The following RRP15 variants were observed in gnomAD, a reference collection of about 807,000 sequenced individuals.
RRP15 encodes RRP15-like protein.
A neutral mutation model predicts 27.1 loss-of-function variants in RRP15; 18 were observed. That is an observed-to-expected ratio of 0.66 (90% confidence interval 0.46 to 0.98). The LOEUF (loss-of-function observed/expected upper bound fraction) is 0.98, where lower values mean the gene tolerates loss of function less well. Ranked by LOEUF, RRP15 falls within the 50% of genes least tolerant of loss-of-function variation. The pLI is 0.00. For synonymous variants in RRP15, 107 were observed against 109.4 expected (o/e 0.98, Z 0.14); for missense variants, 359 against 337.8 (o/e 1.06, Z -0.49).
chr1:218,288,755 G>T (rs553188313), intron 1 of RRP15, among the ~76,000 whole-genome samples: 1 of 152,192 alleles, frequency 6.6e-6, no homozygotes, highest in South Asian at 2.1e-4. Context: ...GGAGACTTTG[G>T]TATGGAGACA....
intron 1 of RRP15, among the ~76,000 whole-genome samples, chr1:218,288,420 A>C (rs1018540515): frequency 4.6e-5 from 7 of 152,222 alleles, no homozygotes; most frequent in African/African-American, 1.7e-4. Flanking sequence ...GAACTTTCCT[A>C]TGTGCCTGGT....
chr1:218,317,021 C>T (rs1010988314), intron 4 of RRP15, among the ~76,000 whole-genome samples: 1 of 152,174 alleles, frequency 6.6e-6, no homozygotes, highest in Non-Finnish European at 1.5e-5. Context: ...TTCTCTTGTT[C>T]CCCATTTCCA....
In RRP15 at chr1:218,331,374, C is replaced by T. The variant is rs886742402; in HGVS notation, c.*283C>T. 8.9e-6 allele frequency: 2 copies of T among 224,770 alleles called. No individual in the cohort carries two copies. Among genetic ancestry groups the T allele is most frequent in the Non-Finnish European group, 1.8e-5 (2 of 113,890 alleles). The allele number at this position is 224,770 out of a possible 1,614,324, so 13.9% of individuals were successfully genotyped here. A position where few individuals can be genotyped will look rare whatever the true frequency, so the allele number is the denominator to read the frequency against. ...TTTGCCAGGATCATATTGGTCATGT[C>T]TATTGGTGTATTATTTCAGTATCAC... On this transcript the variant is annotated 3_prime_UTR_variant, in exon 5 of 5. Transcript: ENST00000366932.
chr1:218,288,550 C>T (rs1655585861), intron 1 of RRP15, among the ~76,000 whole-genome samples: 1 of 152,124 alleles, frequency 6.6e-6, no homozygotes, highest in Non-Finnish European at 1.5e-5. Flanking sequence ...TATAACTTGC[C>T]CACTTCTGTA....
chr1:218,315,867 G>A (rs17047615), intron 4 of RRP15, among the ~76,000 whole-genome samples: 8,364 of 152,126 alleles, frequency 0.055, 776 homozygotes, highest in African/African-American at 0.19. Flanking sequence ...TTACTCTCAC[G>A]TAAAGCTCTC....
intron 4 of RRP15, among the ~76,000 whole-genome samples, chr1:218,330,296 T>G (rs938168489): frequency 4.1e-4 from 62 of 152,206 alleles, no homozygotes; most frequent in Non-Finnish European, 7.5e-4. Context: ...TGTGACTAAA[T>G]GAAACGAATT....
Position 218,303,197 on chromosome 1 carries a change from T to G in RRP15, c.405+638T>G, listed in dbSNP as rs115604671. 3.1e-3 allele frequency among the ~76,000 whole-genome samples: 471 copies of G among 152,316 alleles called. 2 individuals carry two copies. Among genetic ancestry groups the G allele is most frequent in the African/African-American group, 0.011 (459 of 41,562 alleles). Reference sequence around the variant, plus strand: ...CATATCACCTGTACTTGATGATCTCTGTCTAAAATACTTGGTTACTAAATT... The same window carrying G: ...CATATCACCTGTACTTGATGATCTCGGTCTAAAATACTTGGTTACTAAATT... On this transcript the variant is annotated intron_variant, in intron 2 of 4. Coordinates refer to ENST00000366932, the MANE Select transcript of RRP15 (RefSeq NM_016052.4).
Position 218,337,679 on chromosome 1 carries a change from G to A in RRP15, c.*6588G>A, listed in dbSNP as rs1182914527. ...AATTTTTGACAGTCTGAAAAGACAG[G>A]CCTTATATTTATATTGAGAAAAATG... On this transcript the variant is annotated 3_prime_UTR_variant, in exon 5 of 5. Coordinates refer to ENST00000366932, the MANE Select transcript of RRP15 (RefSeq NM_016052.4). 2 of 152,068 alleles carry A rather than the reference G, an allele frequency of 1.3e-5. No individual in the cohort carries two copies. Among genetic ancestry groups the A allele is most frequent in the African/African-American group, 2.4e-5 (1 of 41,410 alleles). 9.4% of individuals were successfully genotyped at this position (152,068 alleles called of 1,614,324 possible).
chr1:218,302,808 A>T lies in RRP15; in HGVS notation c.405+249A>T, dbSNP rs1390329487. ...GTAAACGCTGAGGAAACATCTTTTT[A>T]AAATCAAGTAATTATACACATGGTA... On this transcript the variant is annotated intron_variant, in intron 2 of 4. Coordinates refer to ENST00000366932, the MANE Select transcript of RRP15 (RefSeq NM_016052.4). 1.4e-5 allele frequency: 6 copies of T among 416,754 alleles called. No individual in the cohort carries two copies. In the South Asian group the frequency reaches 2.6e-4, roughly 18 times the overall value. The allele number at this position is 416,754 out of a possible 1,614,324, so 25.8% of individuals were successfully genotyped here. A position where few individuals can be genotyped will look rare whatever the true frequency, so the allele number is the denominator to read the frequency against.
intron 4 of RRP15, among the ~76,000 whole-genome samples, chr1:218,315,350 T>C (rs1656072171): frequency 6.6e-6 from 1 of 152,224 alleles, no homozygotes; most frequent in Non-Finnish European, 1.5e-5. Context: ...GCTGAATTCT[T>C]GCTTCTAAAG....
intron 4 of RRP15, among the ~76,000 whole-genome samples, chr1:218,313,661 A>G (rs1656036791): frequency 6.6e-6 from 1 of 152,226 alleles, no homozygotes; most frequent in African/African-American, 2.4e-5. Context: ...CAACCAGAAT[A>G]GCAGAGTATG....
In RRP15 at chr1:218,305,085, G is replaced by C. The variant is rs1305743910; in HGVS notation, c.463G>C (p.Asp155His). ...MCRVKPDVVQ[D>H]KETERNLQRI... ...CAGAGTAAAGCCAGATGTTGTCCAAGACAAAGAGACAGAGAGAAATCTTCA... is the reference window on the plus strand; with the variant it reads ...CAGAGTAAAGCCAGATGTTGTCCAACACAAAGAGACAGAGAGAAATCTTCA... The change falls in exon 3 of 5, where the codon GAC becomes CAC. Residue 155 changes from aspartate to histidine, a missense_variant. Asp to His is a moderately conservative substitution (Grantham distance 81, BLOSUM62 -1). Coordinates refer to ENST00000366932, the MANE Select transcript of RRP15 (RefSeq NM_016052.4). 3 of 1,613,890 alleles carry C rather than the reference G, an allele frequency of 1.9e-6. No homozygotes were observed. Among genetic ancestry groups the C allele is most frequent in the African/African-American group, 1.3e-5 (1 of 75,026 alleles).
intron 4 of RRP15, among the ~76,000 whole-genome samples, chr1:218,328,644 CAG>C (rs1362465268): frequency 1.3e-5 from 2 of 151,544 alleles, no homozygotes; most frequent in Non-Finnish European, 2.9e-5. Flanking sequence ...GCCTGGGCGA[CAG>C]AGCGAGACTC....
At chr1:218,319,029 T>C (rs1455950308) in intron 4 of RRP15, among the ~76,000 whole-genome samples, 2 of 152,000 alleles carry the variant, frequency 1.3e-5, no homozygotes, top group Non-Finnish European at 2.9e-5. Context: ...GTAAGGAGTT[T>C]AATAGTCACC....
At chr1:218,327,378 G>A (rs569760452) in intron 4 of RRP15, among the ~76,000 whole-genome samples, 54 of 151,444 alleles carry the variant, frequency 3.6e-4, no homozygotes, top group Non-Finnish European at 5.9e-4. Context: ...GTGTGATCTC[G>A]GCTCACTGCA....
rs1367999243 is a variant in RRP15, at chr1:218,331,059, A to C, written c.817A>C (p.Arg273=). 6.2e-7 allele frequency: 1 copy of C among 1,611,738 alleles called. No homozygotes were observed. Among genetic ancestry groups the C allele is most frequent in the African/African-American group, 1.3e-5 (1 of 75,000 alleles). The change falls in exon 5 of 5, where the codon AGA becomes CGA. Residue 273 remains arginine, a synonymous_variant. Coordinates refer to ENST00000366932, the MANE Select transcript of RRP15 (RefSeq NM_016052.4). ...GGAAAGTGATGGGCCAGATGACAGCAGACCAGAATCTGCAAGTGACTCTGA... is the reference window on the plus strand; with the variant it reads ...GGAAAGTGATGGGCCAGATGACAGCCGACCAGAATCTGCAAGTGACTCTGA... ...DKESDGPDDS[R]PESASDSDT
chr1:218,335,445 ATT>A lies in RRP15; in HGVS notation c.*4355_*4356del, dbSNP rs1380184175. The A allele has an allele frequency of 6.6e-6, 1 of 152,168 alleles. No homozygotes were observed. The highest frequency in any genetic ancestry group is 2.4e-5 in the African/African-American group (1 of 41,452). The allele number at this position is 152,168 out of a possible 1,614,324, so 9.4% of individuals were successfully genotyped here. ...AGTGGGCATAATACTTTATATTAAAATTATAGGGACTAAAAGTCTAAATCATT... is the reference window on the plus strand; with the variant it reads ...AGTGGGCATAATACTTTATATTAAAAATAGGGACTAAAAGTCTAAATCATT... On this transcript the variant is annotated 3_prime_UTR_variant, in exon 5 of 5. Transcript: ENST00000366932.
intron 1 of RRP15, chr1:218,301,122 C>CAGT (rs1655803567): frequency 6.6e-6 from 1 of 152,124 alleles, no homozygotes; most frequent in African/African-American, 2.4e-5. Flanking sequence ...TTTTGAGATT[C>CAGT]AACTAGTTTT....
intron 3 of RRP15, among the ~76,000 whole-genome samples, chr1:218,306,047 C>T (rs540460117): frequency 6.6e-6 from 1 of 152,232 alleles, no homozygotes; most frequent in Admixed American, 6.5e-5. Context: ...AGTACAGGCT[C>T]AGTACATGAG....
Sources: allele counts gnomAD v4.1 joint callset (sites outside exome capture counted in the v4.1 genomes callset), GRCh38; gene constraint gnomAD v4.1.1; transcripts MANE v1.5; gene names NCBI Gene and HGNC (gene_info 2026-07-23, HGNC 2026-07-21).